ADGRV1: variants seen among roughly 807,000 people sequenced by gnomAD.
ADGRV1 encodes adhesion G protein-coupled receptor V1.
ADGRV1 carries 359 observed loss-of-function variants against 596.2 expected under a neutral mutation model. The observed-to-expected ratio is 0.60, with a 90% CI of 0.55 to 0.66. The LOEUF is 0.66. Ranked by LOEUF, ADGRV1 falls within the 30% of genes least tolerant of loss-of-function variation. The pLI is 0.00. For missense variants in ADGRV1, 7,274 were observed against 7,575.6 expected (o/e 0.96, Z 1.48); for synonymous variants, 2,681 against 2,679.2 (o/e 1.00, Z -0.02).
At chr5:91,149,951 C>G (rs1050500641) in intron 87 of ADGRV1, 79 bp from the exon 88 acceptor site, 2 of 1,180,422 alleles carry the variant, frequency 1.7e-6, no homozygotes, top group African/African-American at 3.1e-5. Flanking sequence ...TATTCTTCAG[C>G]TACGGTAGCA....
In ADGRV1 at chr5:91,153,252, A is replaced by C; in HGVS notation, c.18656A>C (p.Gln6219Pro). 4 of 1,608,858 alleles carry C rather than the reference A, an allele frequency of 2.5e-6. No individual in the cohort carries two copies. The highest frequency in any genetic ancestry group is 3.4e-6 in the Non-Finnish European group (4 of 1,177,594). Residue 6219 changes from glutamine to proline, a missense_variant, in exon 89 of 90, where the codon CAA becomes CCA. Coordinates refer to ENST00000405460, the MANE Select transcript of ADGRV1 (RefSeq NM_032119.4). ...CCTGACTGGGAGAGAGCATCCTTCC[A>C]ACAGGGCAGTCAGGCCAGCCCTGAT... The part of the protein sequence containing the change: ...VPPDWERASF[Q>P]QGSQASPDLK...
chr5:91,139,482 C>T (rs1200542646), intron 87 of ADGRV1, among the ~76,000 whole-genome samples: 1 of 152,188 alleles, frequency 6.6e-6, no homozygotes, highest in Non-Finnish European at 1.5e-5. Context: ...CCACCCTAGT[C>T]TTGCATTGCA....
intron 83 of ADGRV1, among the ~76,000 whole-genome samples, chr5:90,938,620 T>C (rs575383324): frequency 2.6e-5 from 4 of 152,228 alleles, no homozygotes; most frequent in Non-Finnish European, 5.9e-5. Flanking sequence ...CATATTTTAT[T>C]GAGCACCTAT....
chr5:90,915,117 T>C (rs1290016264), intron 83 of ADGRV1, among the ~76,000 whole-genome samples: 4 of 152,308 alleles, frequency 2.6e-5, no homozygotes, highest in African/African-American at 9.6e-5. Context: ...TTTTAAAAAA[T>C]GTTCAGTATT....
At position 90,745,707 on chromosome 5, in the gene ADGRV1, A is replaced by G. The variant is rs1269447358; in HGVS notation, c.10886A>G (p.Lys3629Arg). 1.9e-6 allele frequency: 3 copies of G among 1,611,924 alleles called. No individual in the cohort carries two copies. The highest frequency in any genetic ancestry group is 1.7e-5 in the Admixed American group (1 of 59,992). ...TTCAAAGTTCAACTTAAAAATCCCA[A>G]AGGAGGAGCAGAGATTGGCATTAAT... is the stretch of plus-strand genomic sequence containing the variant. ...ESFKVQLKNP[K>R]GGAEIGINDS... Residue 3629 changes from lysine to arginine, a missense_variant, in exon 52 of 90, where the codon AAA becomes AGA. This residue lies in a region of ADGRV1 where 3,643 missense variants were observed against 3,809.2 expected (regional missense o/e 0.96). Coordinates refer to ENST00000405460, the MANE Select transcript of ADGRV1 (RefSeq NM_032119.4).
At chr5:90,770,428 CT>C (rs1304331180) in intron 59 of ADGRV1, among the ~76,000 whole-genome samples, 2 of 152,142 alleles carry the variant, frequency 1.3e-5, no homozygotes, top group East Asian at 1.9e-4. Flanking sequence ...TGTGGTACTT[CT>C]TGTTATTTAG....
intron 89 of ADGRV1, 23 bp from the exon 90 acceptor site, chr5:91,163,759 T>G: frequency 9.4e-7 from 1 of 1,061,502 alleles, no homozygotes; most frequent in Non-Finnish European, 1.4e-6. Flanking sequence ...TGGATTTTTG[T>G]GTTCATTCTA....
chr5:91,056,061 G>A (rs1786816951), intron 85 of ADGRV1, among the ~76,000 whole-genome samples: 1 of 152,154 alleles, frequency 6.6e-6, no homozygotes, highest in African/African-American at 2.4e-5. Flanking sequence ...ATGGTAGTCG[G>A]TTGGCGAGAG....
chr5:90,848,372 G>A (rs1357097637), intron 78 of ADGRV1, among the ~76,000 whole-genome samples: 2 of 151,996 alleles, frequency 1.3e-5, no homozygotes, highest in Non-Finnish European at 2.9e-5. Flanking sequence ...ATCTGTGCAG[G>A]CATTTAGGAC....
rs145929254 is a variant in ADGRV1 at position 90,574,067 on chromosome 5, A to G, written c.22+15150A>G. On this transcript the variant is annotated intron_variant, in intron 1 of 89. Transcript: ENST00000405460. ...TTTGGTTACTGTGGCTTTATAGTAT[A>G]GTTTGACATCTGGTAGTGTGATGCC... Among the ~76,000 whole-genome samples, 1,068 of 152,100 alleles carry G rather than the reference A, an allele frequency of 7.0e-3. 5 individuals are homozygous for G. Among genetic ancestry groups the G allele is most frequent in the Non-Finnish European group, 0.011 (730 of 67,982 alleles).
intron 87 of ADGRV1, among the ~76,000 whole-genome samples, chr5:91,133,553 G>A (rs1480703939): frequency 6.6e-6 from 1 of 152,338 alleles, no homozygotes; most frequent in East Asian, 1.9e-4. Context: ...TGTACTTGAA[G>A]AAGTTACTGA....
chr5:90,923,113 T>C (rs182007813), intron 83 of ADGRV1, among the ~76,000 whole-genome samples: 7 of 152,342 alleles, frequency 4.6e-5, no homozygotes, highest in African/African-American at 1.7e-4. Context: ...TTTTGCACCT[T>C]CTAAACCATA....
chr5:90,926,219 C>T (rs1012833549), intron 83 of ADGRV1, among the ~76,000 whole-genome samples: 1 of 152,090 alleles, frequency 6.6e-6, no homozygotes, highest in Non-Finnish European at 1.5e-5. Context: ...ACCACTTCCT[C>T]CTTGTACCTC....
chr5:90,648,299 C>T (rs1002026776), intron 17 of ADGRV1, among the ~76,000 whole-genome samples: 12 of 152,162 alleles, frequency 7.9e-5, no homozygotes, highest in African/African-American at 2.9e-4. Flanking sequence ...ATGTTTTAAC[C>T]CCACTCTTTG....
intron 75 of ADGRV1, among the ~76,000 whole-genome samples, chr5:90,817,181 C>G (rs1309105118): frequency 6.6e-6 from 1 of 151,348 alleles, no homozygotes; most frequent in Non-Finnish European, 1.5e-5. Flanking sequence ...AGCATTTTTT[C>G]ATGTGTTTTT....
intron 10 of ADGRV1, among the ~76,000 whole-genome samples, chr5:90,636,580 T>C (rs1218179084): frequency 6.6e-6 from 1 of 152,234 alleles, no homozygotes; most frequent in African/African-American, 2.4e-5. Flanking sequence ...TTAGGAAGTT[T>C]TGGGCTCCTT....
At chr5:90,746,128 T>C (rs1399079929) in intron 52 of ADGRV1, among the ~76,000 whole-genome samples, 2 of 151,678 alleles carry the variant, frequency 1.3e-5, no homozygotes, top group East Asian at 3.9e-4. Context: ...AAGGATGAAA[T>C]AGATGCTAAA....
At chr5:90,870,206 T>C (rs960655423) in intron 83 of ADGRV1, among the ~76,000 whole-genome samples, 1 of 152,200 alleles carries the variant, frequency 6.6e-6, no homozygotes, top group African/African-American at 2.4e-5. Context: ...AGAATACATA[T>C]AACTAATGTC....
intron 78 of ADGRV1, among the ~76,000 whole-genome samples, chr5:90,847,157 C>G (rs919170414): frequency 7.9e-5 from 12 of 152,150 alleles, no homozygotes; most frequent in African/African-American, 2.9e-4. Context: ...TTCACAAACC[C>G]TGAGCTAGAC....
Sources: allele counts gnomAD v4.1 joint callset (sites outside exome capture counted in the v4.1 genomes callset), GRCh38; gene constraint gnomAD v4.1.1; regional missense constraint gnomAD v4.1.1; transcripts MANE v1.5; gene names NCBI Gene and HGNC (gene_info 2026-07-23, HGNC 2026-07-21).